KCNQ4: variants seen among roughly 807,000 people sequenced by gnomAD.
The protein encoded by KCNQ4 is potassium voltage-gated channel subfamily KQT member 4.
A neutral mutation model predicts 72.6 loss-of-function variants in KCNQ4; 31 were observed. The ratio of observed to expected loss-of-function variants is 0.43; its 90% CI spans 0.32 to 0.58. KCNQ4 has a LOEUF of 0.58. KCNQ4 is among the 20% of genes least tolerant of loss of function. KCNQ4 has a pLI of 0.08. For missense variants in KCNQ4, 869 were observed against 962.6 expected (o/e 0.90, Z 1.29); for synonymous variants, 405 against 403.7 (o/e 1.00, Z -0.04).
intron 1 of KCNQ4, among the ~76,000 whole-genome samples, chr1:40,814,085 C>A (rs1368159745): frequency 1.1e-5 from 1 of 92,634 alleles, no homozygotes; most frequent in Non-Finnish European, 2.0e-5. Context: ...TGATGTCTTG[C>A]TCTTGTTGCC....
intron 1 of KCNQ4, among the ~76,000 whole-genome samples, chr1:40,798,332 TG>T (rs1332712539): frequency 3.9e-5 from 6 of 152,216 alleles, no homozygotes; most frequent in African/African-American, 1.4e-4. Flanking sequence ...TGGATGGTCT[TG>T]GGCAGACGTT....
At chr1:40,796,867 G>A (rs1215733864) in intron 1 of KCNQ4, among the ~76,000 whole-genome samples, 7 of 152,044 alleles carry the variant, frequency 4.6e-5, no homozygotes, top group African/African-American at 1.5e-4. Flanking sequence ...GCAGTGAGCC[G>A]AGATCGTGCC....
Position 40,835,063 on chromosome 1 carries a change from G to A in KCNQ4, c.1710G>A (p.Leu570=), listed in dbSNP as rs769426666. 1 of 1,614,006 alleles carries A rather than the reference G, an allele frequency of 6.2e-7. No homozygotes were observed. The highest frequency in any genetic ancestry group is 8.5e-7 in the Non-Finnish European group (1 of 1,179,918). The part of the protein sequence containing the change: ...DVIEQYSAGH[L]DMLGRIKSLQ... ...TTGAGCAGTACTCAGCAGGCCACCT[G>A]GACATGCTGGGCCGGATCAAGAGCC... is the stretch of plus-strand genomic sequence containing the variant. Residue 570 remains leucine (L), a synonymous_variant, in exon 12 of 14, where the codon CTG becomes CTA. Transcript: ENST00000347132.
intron 11 of KCNQ4, among the ~76,000 whole-genome samples, chr1:40,833,957 C>T (rs759153118): frequency 1.3e-5 from 2 of 151,946 alleles, no homozygotes; most frequent in African/African-American, 2.4e-5. Flanking sequence ...TGTAGTGAGC[C>T]GTGATTGAGC....
chr1:40,832,020 A>C (rs1007254312), intron 10 of KCNQ4, among the ~76,000 whole-genome samples: 5 of 152,228 alleles, frequency 3.3e-5, no homozygotes, highest in Admixed American at 3.3e-4. Context: ...TGCAAGTATG[A>C]GACTGTGGAC....
chr1:40,800,659 C>G (rs1647545656), intron 1 of KCNQ4, among the ~76,000 whole-genome samples: 2 of 152,222 alleles, frequency 1.3e-5, no homozygotes, highest in South Asian at 4.1e-4. Flanking sequence ...CTGCATCTTT[C>G]TGTTCACTCC....
intron 2 of KCNQ4, 117 bp from the exon 3 acceptor site, chr1:40,818,047 A>G: frequency 7.4e-7 from 1 of 1,356,042 alleles, no homozygotes; most frequent in Non-Finnish European, 1.0e-6. Context: ...ACTCCAGGAG[A>G]GGGGTCCGAG....
At chr1:40,787,740 C>T (rs1484105152) in intron 1 of KCNQ4, among the ~76,000 whole-genome samples, 1 of 152,232 alleles carries the variant, frequency 6.6e-6, no homozygotes, top group Non-Finnish European at 1.5e-5. Flanking sequence ...CTGAAGCCTT[C>T]ACAGGCCCTG....
chr1:40,821,158 TGAGGGGCATTGTAGG>T (rs1320363175), intron 7 of KCNQ4, among the ~76,000 whole-genome samples: 8 of 152,206 alleles, frequency 5.3e-5, no homozygotes, highest in African/African-American at 2.4e-5. Context: ...GCTGGCCTTC[TGAGGGGCATTGTAGG>T]GGCAGGCGGC....
intron 1 of KCNQ4, among the ~76,000 whole-genome samples, chr1:40,811,070 G>A (rs772049159): frequency 2.2e-4 from 33 of 152,218 alleles, no homozygotes; most frequent in Admixed American, 3.9e-4. Context: ...CCTCTGAACC[G>A]CCCTCTCCTT....
chr1:40,821,015 A>G (rs1648273253), intron 7 of KCNQ4, among the ~76,000 whole-genome samples: 1 of 152,140 alleles, frequency 6.6e-6, no homozygotes. Context: ...CCCAAACCCA[A>G]GCCTCACTCA....
intron 1 of KCNQ4, among the ~76,000 whole-genome samples, chr1:40,808,524 C>T (rs574517781): frequency 1.3e-5 from 2 of 152,174 alleles, no homozygotes; most frequent in Middle Eastern, 3.4e-3. Flanking sequence ...CTCTTCAGAT[C>T]CCCCACCCCA....
chr1:40,832,634 A>C (rs375772605), intron 10 of KCNQ4, among the ~76,000 whole-genome samples: 18 of 152,224 alleles, frequency 1.2e-4, no homozygotes, highest in African/African-American at 3.9e-4. Context: ...GACTGTGTGC[A>C]TGATTACATG....
chr1:40,789,614 C>T (rs182942929), intron 1 of KCNQ4, among the ~76,000 whole-genome samples: 98 of 152,232 alleles, frequency 6.4e-4, no homozygotes, highest in African/African-American at 2.2e-3. Context: ...GGAGCCGGTT[C>T]GATCTCTCAC....
chr1:40,815,034 G>A (rs1435177734), intron 1 of KCNQ4, among the ~76,000 whole-genome samples: 2 of 152,056 alleles, frequency 1.3e-5, no homozygotes, highest in East Asian at 3.9e-4. Flanking sequence ...GAGGTCAGGA[G>A]ATCAAGACCA....
At chr1:40,807,468 C>T (rs1049836040) in intron 1 of KCNQ4, among the ~76,000 whole-genome samples, 3 of 151,016 alleles carry the variant, frequency 2.0e-5, no homozygotes, top group Admixed American at 6.6e-5. Context: ...CGTGCTCTTG[C>T]TCCCTTTGCC....
At chr1:40,791,042 C>A (rs1035293768) in intron 1 of KCNQ4, among the ~76,000 whole-genome samples, 2 of 151,942 alleles carry the variant, frequency 1.3e-5, no homozygotes, top group Non-Finnish European at 2.9e-5. Flanking sequence ...AGAGAGACAG[C>A]CAGGGACTCC....
intron 1 of KCNQ4, among the ~76,000 whole-genome samples, chr1:40,810,419 T>C (rs1026683024): frequency 2.6e-5 from 4 of 152,228 alleles, no homozygotes; most frequent in African/African-American, 9.6e-5. Context: ...CTGTGTCATG[T>C]TCTGTGTTGT....
intron 4 of KCNQ4, chr1:40,819,138 G>GGGGGTGGGAATGGGGGTC (rs1648197944): frequency 1.2e-5 from 7 of 564,756 alleles, no homozygotes; most frequent in African/African-American, 2.0e-5. Context: ...GGGTGAGGGT[G>GGGGGTGGGAATGGGGGTC]GGGGTGGGAA....
Sources: allele counts gnomAD v4.1 joint callset (sites outside exome capture counted in the v4.1 genomes callset), GRCh38; gene constraint gnomAD v4.1.1; transcripts MANE v1.5; gene names NCBI Gene and HGNC (gene_info 2026-07-23, HGNC 2026-07-21).